Variants in NPC1 observed in about 807,000 individuals in gnomAD.
The protein encoded by NPC1 is Niemann-Pick C1 protein.
In NPC1, 85 loss-of-function variants were observed where a neutral mutation model predicts 140.4. The ratio of observed to expected loss-of-function variants is 0.61; its 90% CI spans 0.51 to 0.72. The LOEUF (loss-of-function observed/expected upper bound fraction) is 0.72. NPC1 is among the 30% of genes least tolerant of loss of function. The probability of loss-of-function intolerance (pLI) is 0.00; values close to 1 mark genes in which losing one functional copy is unlikely to be tolerated. For synonymous variants in NPC1, 656 were observed against 624.8 expected, an observed-to-expected ratio of 1.05 and a Z score of -0.74; for missense variants, 1,504 against 1,623.8, an observed-to-expected ratio of 0.93 and a Z score of 1.27.
At chr18:23,561,943 T>C (rs951023646) in intron 4 of NPC1, among the ~76,000 whole-genome samples, 13 of 152,252 alleles carry the variant, frequency 8.5e-5, no homozygotes, top group African/African-American at 3.1e-4. Flanking sequence ...GCCAGAGAAT[T>C]ATGGAACTTA....
chr18:23,507,663 T>TA (rs771829419), intron 3 of NPC1, among the ~76,000 whole-genome samples: 1 of 152,188 alleles, frequency 6.6e-6, no homozygotes, highest in Non-Finnish European at 1.5e-5. Context: ...TTTTAAGTGT[T>TA]AAAGTCTTGG....
intron 1 of NPC1, among the ~76,000 whole-genome samples, chr18:23,582,526 G>A (rs1324398291): frequency 2.0e-5 from 3 of 152,188 alleles, no homozygotes; most frequent in Non-Finnish European, 4.4e-5. Flanking sequence ...AGTGGGCCAG[G>A]CATGGTGGCT....
At chr18:23,578,850 C>A (rs1192309864) in intron 1 of NPC1, among the ~76,000 whole-genome samples, 1 of 152,246 alleles carries the variant, frequency 6.6e-6, no homozygotes, top group African/African-American at 2.4e-5. Flanking sequence ...ACCTTTCGAA[C>A]CCACCTCCCA....
At chr18:23,508,230 G>C (rs2057761914) in intron 3 of NPC1, among the ~76,000 whole-genome samples, 1 of 152,148 alleles carries the variant, frequency 6.6e-6, no homozygotes, top group South Asian at 2.1e-4. Context: ...AAGTTTGAAA[G>C]CTTGTTCCTT....
chr18:23,532,011 G>T lies in NPC1; in HGVS notation c.*191C>A, dbSNP rs534888589. 732 of 1,500,926 alleles carry T rather than the reference G, an allele frequency of 4.9e-4. 1 individual carries two copies. The highest frequency in any genetic ancestry group is 6.1e-4 in the Non-Finnish European group (685 of 1,128,624). The allele number at this position is 1,500,926 out of a possible 1,614,324, so 93.0% of individuals were successfully genotyped here. A position where few individuals can be genotyped will look rare whatever the true frequency, so the allele number is the denominator to read the frequency against. On this transcript the variant is annotated 3_prime_UTR_variant, in exon 25 of 25. Coordinates refer to ENST00000269228, the MANE Select transcript of NPC1 (RefSeq NM_000271.5). ...GTTTAGTGTCCTGTGGTTGCCTCCA[G>T]ATCTAGTAATACTGCTTCCCAAGTC...
chr18:23,570,044 GTC>G lies in NPC1; in HGVS notation c.288-1048_288-1047del, dbSNP rs1472024283. On this transcript the variant is annotated intron_variant, in intron 3 of 24. Coordinates refer to ENST00000269228, the MANE Select transcript of NPC1 (RefSeq NM_000271.5). Reference sequence around the variant, plus strand: ...AAAAAGTGTGTCCTGGCCTTCAAGAGTCTCTGTTCTAGTGAAGGAGACAGAGA... The same window carrying G: ...AAAAAGTGTGTCCTGGCCTTCAAGAGTCTGTTCTAGTGAAGGAGACAGAGA... 7.2e-5 allele frequency among the ~76,000 whole-genome samples: 11 copies of G among 152,336 alleles called. No homozygotes were observed. In the East Asian group the frequency reaches 1.3e-3, roughly 19 times the overall value.
intron 17 of NPC1, 95 bp downstream of exon 17, chr18:23,540,353 G>T (rs2058695811): frequency 1.2e-6 from 1 of 814,054 alleles, no homozygotes; most frequent in African/African-American, 1.7e-5. Context: ...GTTAGAAGCA[G>T]GCACTTGCTT....
chr18:23,555,939 T>C (rs1037137099), intron 8 of NPC1, among the ~76,000 whole-genome samples: 1 of 152,180 alleles, frequency 6.6e-6, no homozygotes, highest in African/African-American at 2.4e-5. Context: ...AATAAATATA[T>C]CCTGCCTCAA....
At chr18:23,577,179 T>A (rs575692963) in intron 1 of NPC1, among the ~76,000 whole-genome samples, 58 of 65,798 alleles carry the variant, frequency 8.8e-4, no homozygotes, top group East Asian at 3.3e-3. Flanking sequence ...TGTCGACTGG[T>A]GCACTCACAA....
In NPC1 at chr18:23,568,900, T is replaced by C. The variant is rs1363046191; in HGVS notation, c.386A>G (p.Tyr129Cys). Residue 129 changes from tyrosine to cysteine, a missense_variant, in exon 4 of 25, where the codon TAT becomes TGT. Tyr to Cys is a radical substitution (Grantham distance 194). Coordinates refer to ENST00000269228, the MANE Select transcript of NPC1 (RefSeq NM_000271.5). ...CGTCTGGTTTGTAACAGGATCAACA[T>C]AATCTTCAGTAGCTGTAACATTCAA... ...QFLNVTATEDYVDPVTNQTKT... is the reference protein window; with the variant it reads ...QFLNVTATEDCVDPVTNQTKT... The C allele has an allele frequency of 1.2e-6, 2 of 1,613,878 alleles. No individual in the cohort carries two copies. The highest frequency in any genetic ancestry group is 1.7e-6 in the Non-Finnish European group (2 of 1,179,756).
At chr18:23,547,086 G>A (rs907459250) in intron 11 of NPC1, among the ~76,000 whole-genome samples, 2 of 152,126 alleles carry the variant, frequency 1.3e-5, no homozygotes, top group African/African-American at 2.4e-5. Flanking sequence ...CCAAAGTGCT[G>A]GGACTACAAG....
Position 23,543,470 on chromosome 18 carries a change from C to T in NPC1, c.2230G>A (p.Val744Ile). Residue 744 changes from valine (V) to isoleucine (I), a missense_variant, in exon 14 of 25, where the codon GTA becomes ATA. Transcript: ENST00000269228. ...GCATAATTACCTAAGAAAAATGCTACAGTCTCAGAAAAGGATGACAGGAAC... is the reference window on the plus strand; with the variant it reads ...GCATAATTACCTAAGAAAAATGCTATAGTCTCAGAAAAGGATGACAGGAAC... The part of the protein sequence containing the change: ...SMFLSSFSET[V>I]AFFLGALSVM... 6.2e-7 allele frequency: 1 copy of T among 1,601,734 alleles called. No homozygotes were observed. Among genetic ancestry groups the T allele is most frequent in the Non-Finnish European group, 8.5e-7 (1 of 1,170,092 alleles).
chr18:23,575,031 T>C (rs2059254524), intron 1 of NPC1, among the ~76,000 whole-genome samples: 2 of 152,192 alleles, frequency 1.3e-5, no homozygotes, highest in African/African-American at 2.4e-5. Flanking sequence ...GAAGTTCACA[T>C]GAAATTTTAA....
intron 4 of NPC1, among the ~76,000 whole-genome samples, chr18:23,564,180 C>T (rs949348767): frequency 6.6e-6 from 1 of 151,758 alleles, no homozygotes; most frequent in Non-Finnish European, 1.5e-5. Flanking sequence ...GACAGGGTTT[C>T]ACCATGTTGG....
Position 23,544,254 on chromosome 18 carries a change from G to C in NPC1, c.2130+90C>G, listed in dbSNP as rs972061281. On this transcript the variant is annotated intron_variant, in intron 13 of 24. Transcript: ENST00000269228. ...GGAAAGGAAACAAAACACCCTCACA[G>C]GTCACACTCACGAATGCGGAGCCCA... 21 of 1,256,024 alleles carry C rather than the reference G, an allele frequency of 1.7e-5. No homozygotes were observed. In the African/African-American group the frequency reaches 2.5e-4, roughly 15 times the overall value. The allele number at this position is 1,256,024 out of a possible 1,614,324, so 77.8% of individuals were successfully genotyped here.
chr18:23,549,172 A>AGGCAGTTTGGG, intron 10 of NPC1, among the ~76,000 whole-genome samples: 1 of 152,152 alleles, frequency 6.6e-6, no homozygotes, highest in East Asian at 1.9e-4. Flanking sequence ...CTGCCTTCCA[A>AGGCAGTTTGGG]AGAAGCTTAA....
intron 1 of NPC1, among the ~76,000 whole-genome samples, chr18:23,523,731 A>G (rs2058212530): frequency 1.3e-5 from 2 of 152,080 alleles, no homozygotes; most frequent in Non-Finnish European, 2.9e-5. Context: ...TAAAGAAAAA[A>G]AAAGATAATT....
chr18:23,541,476 C>A, intron 14 of NPC1, 43 bp from the exon 15 acceptor site: 1 of 1,613,646 alleles, frequency 6.2e-7, no homozygotes, highest in Non-Finnish European at 8.5e-7. Flanking sequence ...TGTTTACAGC[C>A]GGGGGCTCTC....
intron 4 of NPC1, among the ~76,000 whole-genome samples, chr18:23,564,962 C>A (rs1349860847): frequency 6.6e-6 from 1 of 152,252 alleles, no homozygotes; most frequent in African/African-American, 2.4e-5. Context: ...GGCCCTGGCA[C>A]CCTTGTCAAA....
Sources: gnomAD v4.1 joint callset for allele counts (sites outside exome capture counted in the v4.1 genomes callset) on GRCh38, gnomAD v4.1.1 for gene constraint, MANE v1.5 for transcripts, NCBI Gene and HGNC (gene_info 2026-07-23, HGNC 2026-07-21) for gene names.